Variants in KCNQ3 observed in about 807,000 individuals in gnomAD.
KCNQ3 encodes the protein potassium voltage-gated channel subfamily Q member 3.
A neutral mutation model predicts 92.5 loss-of-function variants in KCNQ3; 30 were observed. The ratio of observed to expected loss-of-function variants is 0.32; its 90% CI spans 0.24 to 0.44. The LOEUF (loss-of-function observed/expected upper bound fraction) is 0.44. KCNQ3 is among the 20% of genes least tolerant of loss of function. The pLI is 1.00. For missense variants in KCNQ3, 913 were observed against 1,140.3 expected (o/e 0.80, Z 2.87); for synonymous variants, 450 against 468.8 (o/e 0.96, Z 0.52).
intron 1 of KCNQ3, among the ~76,000 whole-genome samples, chr8:132,355,572 T>A (rs1275120263): frequency 6.6e-6 from 1 of 151,796 alleles, no homozygotes; most frequent in African/African-American, 2.4e-5. Flanking sequence ...AGAAGGTGAG[T>A]TTCAGTCTGG....
At chr8:132,301,593 A>G (rs1817218091) in intron 1 of KCNQ3, among the ~76,000 whole-genome samples, 1 of 152,174 alleles carries the variant, frequency 6.6e-6, no homozygotes, top group Non-Finnish European at 1.5e-5. Context: ...AATGATGGTG[A>G]CTAAATGGGA....
At chr8:132,414,052 G>T (rs1157979403) in intron 1 of KCNQ3, among the ~76,000 whole-genome samples, 2 of 152,182 alleles carry the variant, frequency 1.3e-5, no homozygotes, top group East Asian at 1.9e-4. Flanking sequence ...CAGGGCTCAG[G>T]CCCCAGGACA....
chr8:132,326,765 T>G (rs535978823), intron 1 of KCNQ3, among the ~76,000 whole-genome samples: 1 of 152,204 alleles, frequency 6.6e-6, no homozygotes, highest in African/African-American at 2.4e-5. Flanking sequence ...GCTTCCAGCC[T>G]CTAGAACCAT....
intron 1 of KCNQ3, among the ~76,000 whole-genome samples, chr8:132,474,634 T>C (rs1822367879): frequency 6.6e-6 from 1 of 152,142 alleles, no homozygotes; most frequent in South Asian, 2.1e-4. Flanking sequence ...ACCAGAACCC[T>C]TACAGAATTC....
At chr8:132,438,286 C>G (rs1247816509) in intron 1 of KCNQ3, among the ~76,000 whole-genome samples, 1 of 152,170 alleles carries the variant, frequency 6.6e-6, no homozygotes, top group Non-Finnish European at 1.5e-5. Flanking sequence ...CTGAAGTCTC[C>G]TTCTGACATT....
intron 1 of KCNQ3, among the ~76,000 whole-genome samples, chr8:132,377,686 G>A (rs890355819): frequency 6.6e-6 from 1 of 152,316 alleles, no homozygotes; most frequent in African/African-American, 2.4e-5. Flanking sequence ...ACAGTGATAG[G>A]TAAATAGTGG....
intron 1 of KCNQ3, among the ~76,000 whole-genome samples, chr8:132,314,558 T>A (rs917437382): frequency 5.9e-5 from 9 of 152,190 alleles, no homozygotes; most frequent in African/African-American, 1.9e-4. Context: ...TTATTAAGTA[T>A]CTTTAATAAC....
intron 9 of KCNQ3, among the ~76,000 whole-genome samples, chr8:132,145,721 G>C (rs1463012747): frequency 6.6e-6 from 1 of 152,216 alleles, no homozygotes; most frequent in Admixed American, 6.5e-5. Context: ...AATCTGACAA[G>C]GAGACCAAGA....
At chr8:132,278,490 G>C (rs1425110695) in intron 1 of KCNQ3, among the ~76,000 whole-genome samples, 11 of 152,194 alleles carry the variant, frequency 7.2e-5, no homozygotes, top group African/African-American at 2.7e-4. Flanking sequence ...TCCCACGACA[G>C]TTTATTTTGA....
At chr8:132,408,862 C>T (rs537287553) in intron 1 of KCNQ3, among the ~76,000 whole-genome samples, 12 of 152,276 alleles carry the variant, frequency 7.9e-5, no homozygotes, top group Admixed American at 2.0e-4. Flanking sequence ...CTGCAAGGAA[C>T]TGAACTCTGC....
At chr8:132,276,906 G>A (rs1816351949) in intron 1 of KCNQ3, among the ~76,000 whole-genome samples, 1 of 152,152 alleles carries the variant, frequency 6.6e-6, no homozygotes, top group Non-Finnish European at 1.5e-5. Context: ...AGGCCAAGAT[G>A]TCATAATAAA....
intron 1 of KCNQ3, among the ~76,000 whole-genome samples, chr8:132,288,151 A>C (rs1449493299): frequency 6.6e-6 from 1 of 152,136 alleles, no homozygotes; most frequent in Non-Finnish European, 1.5e-5. Flanking sequence ...CTCCTTTAGG[A>C]TAGATTCTTG....
chr8:132,433,041 T>C (rs1402539382), intron 1 of KCNQ3, among the ~76,000 whole-genome samples: 1 of 152,238 alleles, frequency 6.6e-6, no homozygotes, highest in Non-Finnish European at 1.5e-5. Context: ...TGAGTTATCA[T>C]AATTATTGAC....
chr8:132,439,650 TGA>T (rs1413060596), intron 1 of KCNQ3, among the ~76,000 whole-genome samples: 1 of 150,684 alleles, frequency 6.6e-6, no homozygotes, highest in African/African-American at 2.4e-5. Context: ...GGAGTCAGAG[TGA>T]GAGAGAGATT....
At position 132,458,715 on chromosome 8, in the gene KCNQ3, A is replaced by G. The variant is rs548553806; in HGVS notation, c.386+21432T>C. On this transcript the variant is annotated intron_variant, in intron 1 of 14. Transcript: ENST00000388996. ...AGTGATCCTCCCGCCTTAGCCTCCC[A>G]AAGTGCTGGGATTATAGGCATGAGC... 2.6e-5 allele frequency among the ~76,000 whole-genome samples: 4 copies of G among 152,322 alleles called. No homozygotes were observed. The South Asian group carries it at 8.3e-4, about 32-fold the overall frequency.
intron 1 of KCNQ3, among the ~76,000 whole-genome samples, chr8:132,294,000 G>GTTTTTTTTT (rs386414036): frequency 1.6e-5 from 2 of 124,190 alleles, no homozygotes; most frequent in African/African-American, 6.2e-5. Context: ...TGTGTGTGTG[G>GTTTTTTTTT]TTTTTTTTTT....
intron 1 of KCNQ3, among the ~76,000 whole-genome samples, chr8:132,192,988 C>CT (rs1477255592): frequency 6.6e-6 from 1 of 152,164 alleles, no homozygotes; most frequent in African/African-American, 2.4e-5. Context: ...CTGCTCTTCT[C>CT]TTACTGCCCT....
At chr8:132,478,003 C>A (rs916376088) in intron 1 of KCNQ3, among the ~76,000 whole-genome samples, 1 of 152,094 alleles carries the variant, frequency 6.6e-6, no homozygotes, top group Non-Finnish European at 1.5e-5. Flanking sequence ...CTTTATATAA[C>A]GGAGATAATA....
intron 1 of KCNQ3, among the ~76,000 whole-genome samples, chr8:132,477,811 T>C (rs1822450883): frequency 1.3e-5 from 2 of 152,020 alleles, no homozygotes; most frequent in African/African-American, 4.8e-5. Context: ...GCATTAACAA[T>C]GGGGAAAGGG....
Sources: allele counts gnomAD v4.1 joint callset (sites outside exome capture counted in the v4.1 genomes callset), GRCh38; gene constraint gnomAD v4.1.1; transcripts MANE v1.5; gene names NCBI Gene and HGNC (gene_info 2026-07-23, HGNC 2026-07-21).